The following VIPAS39 variants were observed in gnomAD, a reference collection of about 807,000 sequenced individuals.
The protein encoded by VIPAS39 is VPS33B interacting protein, apical-basolateral polarity regulator, spe-39 homolog, also known as spermatogenesis-defective protein 39 homolog.
In VIPAS39, 63 loss-of-function variants were observed where a neutral mutation model predicts 84.7. The ratio of observed to expected loss-of-function variants is 0.74; its 90% CI spans 0.61 to 0.92. The LOEUF (loss-of-function observed/expected upper bound fraction) is 0.92, where lower values mean the gene tolerates loss of function less well. Among genes scored for constraint, VIPAS39 ranks in the 40% least tolerant of loss-of-function variants. The pLI is 0.00. For missense variants in VIPAS39, 499 were observed against 604.5 expected, an observed-to-expected ratio of 0.83 and a Z score of 1.83; for synonymous variants, 192 against 216.5, an observed-to-expected ratio of 0.89 and a Z score of 0.99.
rs915336297 is a variant in VIPAS39, at chr14:77,435,825, T to C, written c.912+19A>G. 14 of 1,613,364 alleles carry C rather than the reference T, an allele frequency of 8.7e-6. No homozygotes were observed. Among genetic ancestry groups the C allele is most frequent in the Admixed American group, 3.3e-5 (2 of 59,996 alleles). On this transcript the variant is annotated intron_variant, in intron 13 of 19. Coordinates refer to ENST00000557658, the MANE Select transcript of VIPAS39 (RefSeq NM_001193315.2). ...AGCCTTGGCACTGAAGCAAAAGATA[T>C]AGAGATGAAGAGTCTAACCTCAATA...
rs747233166 is a variant in VIPAS39, at chr14:77,441,068, C to T, written c.760G>A (p.Ala254Thr). 6.2e-7 allele frequency: 1 copy of T among 1,610,718 alleles called. No homozygotes were observed. Among genetic ancestry groups the T allele is most frequent in the African/African-American group, 1.4e-5 (1 of 72,312 alleles). The part of the protein sequence containing the change: ...FRFLDRTEEL[A>T]LSHYREHLNI... ...ACTGAAACAAAGGCCACACTTACCGCAAGCTCTTCTGTTCTATCTAGGAAC... is the reference window on the plus strand; with the variant it reads ...ACTGAAACAAAGGCCACACTTACCGTAAGCTCTTCTGTTCTATCTAGGAAC... The change falls in exon 11 of 20, where the codon GCG becomes ACG. Residue 254 changes from alanine (A) to threonine (T), a missense_variant and splice_region_variant. Physicochemically the swap from Ala to Thr is moderately conservative, Grantham distance 58. Transcript: ENST00000557658.
chr14:77,441,255 T>C, intron 10 of VIPAS39, 162 bp from the exon 11 acceptor site: 2 of 756,316 alleles, frequency 2.6e-6, no homozygotes, highest in Non-Finnish European at 4.4e-6. Flanking sequence ...CCCTGGTCTC[T>C]CTGGCTGAAC....
chr14:77,442,498 C>T lies in VIPAS39; in HGVS notation c.734+62G>A, dbSNP rs1594909221. ...GTTGGCGTCTTCTATTCCTTTGTAT[C>T]CCTCAGAGTGCTTTGAAACAAGTAC... On this transcript the variant is annotated intron_variant, in intron 10 of 19. Transcript: ENST00000557658. The T allele has an allele frequency of 1.4e-5, 19 of 1,373,754 alleles. 1 individual carries two copies. In the East Asian group the frequency reaches 3.4e-4, roughly 25 times the overall value. The allele number at this position is 1,373,754 out of a possible 1,614,324, so 85.1% of individuals were successfully genotyped here. A position where few individuals can be genotyped will look rare whatever the true frequency, so the allele number is the denominator to read the frequency against.
chr14:77,437,248 T>G (rs1048403128), intron 12 of VIPAS39, among the ~76,000 whole-genome samples: 3 of 151,876 alleles, frequency 2.0e-5, no homozygotes, highest in African/African-American at 7.3e-5. Context: ...AGGAAGCACT[T>G]TCCAATAACG....
intron 1 of VIPAS39, chr14:77,457,141 C>T (rs983299154): frequency 1.4e-6 from 2 of 1,423,222 alleles, no homozygotes; most frequent in Non-Finnish European, 1.8e-6. Context: ...CAGGAAGATA[C>T]AGGTGAGGCT....
chr14:77,448,612 GCTC>G (rs1262083032), intron 6 of VIPAS39, 62 bp from the exon 7 acceptor site: 6 of 1,538,904 alleles, frequency 3.9e-6, no homozygotes, highest in East Asian at 4.5e-5. Flanking sequence ...CAGCATACCC[GCTC>G]CTCAACTCAA....
chr14:77,439,608 G>A (rs1256824417), intron 11 of VIPAS39, among the ~76,000 whole-genome samples: 1 of 152,072 alleles, frequency 6.6e-6, no homozygotes, highest in Non-Finnish European at 1.5e-5. Context: ...CAAACAAAGT[G>A]AGACCCCCGT....
rs775039607 is a variant in VIPAS39 at position 77,449,250 on chromosome 14, T to G, written c.447+43A>C. 2.5e-6 allele frequency: 4 copies of G among 1,588,164 alleles called. No homozygotes were observed. In the Admixed American group the frequency reaches 5.0e-5, roughly 20 times the overall value. On this transcript the variant is annotated intron_variant, in intron 6 of 19. Transcript: ENST00000557658. ...GCCAGGTAACATATGTCAAGGTACT[T>G]TATACTGTGGAAAGTGTCACACCAG...
chr14:77,450,333 T>G (rs1443324962), intron 4 of VIPAS39, among the ~76,000 whole-genome samples: 1 of 152,260 alleles, frequency 6.6e-6, no homozygotes, highest in Admixed American at 6.5e-5. Context: ...AACATTCCGC[T>G]GCATGTATAT....
intron 5 of VIPAS39, 73 bp from the exon 6 acceptor site, chr14:77,449,430 C>T (rs375126269): frequency 8.2e-6 from 13 of 1,579,110 alleles, no homozygotes; most frequent in African/African-American, 5.4e-5. Flanking sequence ...TCTACTTCTT[C>T]GTTCTCACAT....
intron 6 of VIPAS39, 38 bp from the exon 7 acceptor site, chr14:77,448,588 G>C (rs2139862254): frequency 6.2e-7 from 1 of 1,610,508 alleles, no homozygotes; most frequent in East Asian, 2.2e-5. Context: ...AGGAAGTTAA[G>C]GAATCAAATT....
rs144141246 is a variant in VIPAS39, at chr14:77,431,268, C to T, written c.1180-1501G>A. Among the ~76,000 whole-genome samples the T allele has an allele frequency of 3.4e-3, 524 of 152,192 alleles. 2 individuals carry two copies. Among genetic ancestry groups the T allele is most frequent in the African/African-American group, 0.012 (493 of 41,502 alleles). On this transcript the variant is annotated intron_variant, in intron 16 of 19. Transcript: ENST00000557658. ...GCCTATGGATTAGAATATTTGTAAACCACATATCTGATAAGGGATTAGTAT... is the reference window on the plus strand; with the variant it reads ...GCCTATGGATTAGAATATTTGTAAATCACATATCTGATAAGGGATTAGTAT...
intron 1 of VIPAS39, among the ~76,000 whole-genome samples, chr14:77,456,519 A>G (rs1470416928): frequency 1.3e-5 from 2 of 152,214 alleles, no homozygotes; most frequent in African/African-American, 2.4e-5. Context: ...CATGTTACTC[A>G]TGGGGAAAGT....
chr14:77,427,663 G>A, intron 19 of VIPAS39, 27 bp from the exon 20 acceptor site: 1 of 1,614,130 alleles, frequency 6.2e-7, no homozygotes, highest in Non-Finnish European at 8.5e-7. Context: ...CAATGAAAGT[G>A]TGTGATCAGT....
chr14:77,453,527 C>T (rs1470226814), intron 2 of VIPAS39, 126 bp from the exon 3 acceptor site: 5 of 865,496 alleles, frequency 5.8e-6, no homozygotes, highest in African/African-American at 4.9e-5. Context: ...CAATCGAAAG[C>T]CTAGCATACT....
At position 77,428,221 on chromosome 14, in the gene VIPAS39, G is replaced by A. The variant is rs2078461098; in HGVS notation, c.1461+149C>T. On this transcript the variant is annotated intron_variant, in intron 19 of 19. Transcript: ENST00000557658. The stretch of plus-strand genomic sequence containing the variant: ...AGTAATTTCTGCTATTCAAAGCAGT[G>A]CTTTTGACATTGTGGCCAGAGGAGA... 3 of 741,146 alleles carry A rather than the reference G, an allele frequency of 4.0e-6. No individual in the cohort carries two copies. The South Asian group carries it at 4.4e-5, about 11-fold the overall frequency. 45.9% of individuals were successfully genotyped at this position (741,146 alleles called of 1,614,324 possible).
rs751570557 is a variant in VIPAS39, at chr14:77,451,218, A to C, written c.312T>G (p.Thr104=). The C allele has an allele frequency of 6.2e-7, 1 of 1,614,258 alleles. No homozygotes were observed. Among genetic ancestry groups the C allele is most frequent in the Non-Finnish European group, 8.5e-7 (1 of 1,180,044 alleles). The change falls in exon 4 of 20, where the codon ACT becomes ACG. Residue 104 remains threonine, a synonymous_variant. Transcript: ENST00000557658. The part of the protein sequence containing the change: ...FSSYAQLPKP[T]STYSLSSFFR... ...AAAAGCTGCTCAGGGAGTAGGTAGAAGTAGGCTTGGGTAGTTGTGCATAGG... is the reference window on the plus strand; with the variant it reads ...AAAAGCTGCTCAGGGAGTAGGTAGACGTAGGCTTGGGTAGTTGTGCATAGG...
At position 77,428,403 on chromosome 14, in the gene VIPAS39, C is replaced by T; in HGVS notation, c.1428G>A (p.Glu476=). The change falls in exon 19 of 20, where the codon GAG becomes GAA. Residue 476 remains glutamate, a synonymous_variant. Coordinates refer to ENST00000557658, the MANE Select transcript of VIPAS39 (RefSeq NM_001193315.2). ...YRSKVDKGSA[E]EEKIDALLSS... is the part of the protein sequence containing the mutation. The stretch of plus-strand genomic sequence containing the variant: ...TGAGAAGAGCATCAATCTTCTCCTC[C>T]TCTGCTGATCCTTTATCTACCTTAC... 6.2e-7 allele frequency: 1 copy of T among 1,613,984 alleles called. No homozygotes were observed. The highest frequency in any genetic ancestry group is 8.5e-7 in the Non-Finnish European group (1 of 1,179,896).
Position 77,434,205 on chromosome 14 carries a change from C to T in VIPAS39, c.1089+57G>A, listed in dbSNP as rs768122521. On this transcript the variant is annotated intron_variant, in intron 15 of 19. Coordinates refer to ENST00000557658, the MANE Select transcript of VIPAS39 (RefSeq NM_001193315.2). ...CTGTACAGGGTTACAAAGCAACATC[C>T]ACTCCATGTAGTTACCCTGATCACT... 77 of 1,522,322 alleles carry T rather than the reference C, an allele frequency of 5.1e-5. 1 individual carries two copies. The highest frequency in any genetic ancestry group is 6.7e-5 in the Non-Finnish European group (74 of 1,096,410). The allele number at this position is 1,522,322 out of a possible 1,614,324, so 94.3% of individuals were successfully genotyped here. A position where few individuals can be genotyped will look rare whatever the true frequency, so the allele number is the denominator to read the frequency against.
Sources: gnomAD v4.1 joint callset for allele counts (sites outside exome capture counted in the v4.1 genomes callset) on GRCh38, gnomAD v4.1.1 for gene constraint, MANE v1.5 for transcripts, NCBI Gene and HGNC (gene_info 2026-07-23, HGNC 2026-07-21) for gene names.